The following ADIPOR2 variants were observed in gnomAD, a reference collection of about 807,000 sequenced individuals.
ADIPOR2 encodes the protein adiponectin receptor protein 2.
Under a neutral mutation model 40.9 loss-of-function variants are expected in ADIPOR2, and 18 were observed. The ratio of observed to expected loss-of-function variants is 0.44; its 90% CI spans 0.30 to 0.65. The LOEUF is 0.65. ADIPOR2 is among the 30% of genes least tolerant of loss of function. The probability of loss-of-function intolerance (pLI) is 0.09; values close to 1 mark genes in which losing one functional copy is unlikely to be tolerated. For synonymous variants in ADIPOR2, 165 were observed against 166.4 expected (o/e 0.99, Z 0.06); for missense variants, 283 against 479.2 (o/e 0.59, Z 3.82).
At chr12:1,742,292 C>T (rs535005487) in intron 1 of ADIPOR2, among the ~76,000 whole-genome samples, 20 of 152,274 alleles carry the variant, frequency 1.3e-4, no homozygotes, top group Admixed American at 7.2e-4. Context: ...GGAGTCTTGC[C>T]GTGTTGCCCA....
chr12:1,716,297 G>A (rs2094687529), intron 1 of ADIPOR2, among the ~76,000 whole-genome samples: 1 of 152,164 alleles, frequency 6.6e-6, no homozygotes, highest in South Asian at 2.1e-4. Flanking sequence ...ATTGAAGATG[G>A]TTTATTGCCT....
chr12:1,755,556 A>G (rs1195968815), intron 2 of ADIPOR2, among the ~76,000 whole-genome samples: 4 of 152,230 alleles, frequency 2.6e-5, no homozygotes, highest in African/African-American at 7.2e-5. Flanking sequence ...CCTCCAGTGT[A>G]TACCTTGGGA....
chr12:1,709,431 C>T (rs1268710790), intron 1 of ADIPOR2, among the ~76,000 whole-genome samples: 1 of 152,070 alleles, frequency 6.6e-6, no homozygotes, highest in East Asian at 1.9e-4. Context: ...GATTGGTGGT[C>T]TGTCTAGCAT....
At chr12:1,767,131 C>T (rs1415724869) in intron 2 of ADIPOR2, among the ~76,000 whole-genome samples, 3 of 151,706 alleles carry the variant, frequency 2.0e-5, no homozygotes, top group Admixed American at 1.3e-4. Flanking sequence ...ATTAGCCGGG[C>T]GTGGTGGCAG....
At chr12:1,707,762 C>A (rs950168556) in intron 1 of ADIPOR2, among the ~76,000 whole-genome samples, 4 of 152,180 alleles carry the variant, frequency 2.6e-5, no homozygotes, top group African/African-American at 9.7e-5. Context: ...TGTCAGCCAC[C>A]ATGCCTTGCC....
intron 2 of ADIPOR2, among the ~76,000 whole-genome samples, chr12:1,769,233 A>G (rs1340043859): frequency 2.0e-5 from 3 of 152,210 alleles, no homozygotes; most frequent in Admixed American, 2.0e-4. Flanking sequence ...TTTCCAAGCC[A>G]TCAGTATGTG....
chr12:1,766,682 T>G (rs2154443958), intron 2 of ADIPOR2, among the ~76,000 whole-genome samples: 1 of 152,346 alleles, frequency 6.6e-6, no homozygotes. Context: ...TCTTTATTTT[T>G]ATGGCTCCCC....
At chr12:1,773,185 G>A (rs1178956078) in intron 3 of ADIPOR2, among the ~76,000 whole-genome samples, 1 of 152,202 alleles carries the variant, frequency 6.6e-6, no homozygotes, top group Non-Finnish European at 1.5e-5. Flanking sequence ...AGGATATCCA[G>A]CTGGGAAACA....
At chr12:1,716,316 A>T (rs887642256) in intron 1 of ADIPOR2, among the ~76,000 whole-genome samples, 1 of 152,206 alleles carries the variant, frequency 6.6e-6, no homozygotes, top group Non-Finnish European at 1.5e-5. Context: ...CTTTTATATC[A>T]TCTTTTGGAT....
At chr12:1,715,989 A>G (rs1421884321) in intron 1 of ADIPOR2, among the ~76,000 whole-genome samples, 1 of 151,880 alleles carries the variant, frequency 6.6e-6, no homozygotes, top group Non-Finnish European at 1.5e-5. Flanking sequence ...TCCACACCGT[A>G]GAAGCTTTGT....
intron 7 of ADIPOR2, 78 bp downstream of exon 7, chr12:1,784,151 A>G (rs1410933789): frequency 2.7e-5 from 38 of 1,411,766 alleles, no homozygotes; most frequent in Non-Finnish European, 9.4e-6. Context: ...TGCAATAGAA[A>G]AAGTTTTAGA....
chr12:1,751,924 CT>C (rs59026188), intron 1 of ADIPOR2, among the ~76,000 whole-genome samples: 195 of 143,872 alleles, frequency 1.4e-3, no homozygotes, highest in Admixed American at 1.4e-3. Context: ...TTCTTTCTTT[CT>C]TTTTTTTTTT....
intron 1 of ADIPOR2, among the ~76,000 whole-genome samples, chr12:1,735,357 A>G (rs1199241686): frequency 2.6e-5 from 4 of 152,160 alleles, no homozygotes; most frequent in African/African-American, 4.8e-5. Flanking sequence ...CTTTGAAGCA[A>G]TTGTGAATGG....
intron 1 of ADIPOR2, among the ~76,000 whole-genome samples, chr12:1,701,801 A>G (rs571783015): frequency 2.8e-4 from 42 of 152,306 alleles, no homozygotes; most frequent in African/African-American, 8.7e-4. Context: ...TTGTGCTTAC[A>G]TTTAAGATTT....
intron 1 of ADIPOR2, among the ~76,000 whole-genome samples, chr12:1,734,623 C>A (rs1157282290): frequency 1.3e-5 from 2 of 152,126 alleles, no homozygotes; most frequent in African/African-American, 4.8e-5. Flanking sequence ...TAATTAGATC[C>A]CATTTGTCAA....
At chr12:1,760,539 T>C (rs771523154) in intron 2 of ADIPOR2, among the ~76,000 whole-genome samples, 4 of 152,202 alleles carry the variant, frequency 2.6e-5, no homozygotes, top group Admixed American at 6.5e-5. Flanking sequence ...TATGGCTTTG[T>C]CTAATCTGGA....
intron 1 of ADIPOR2, among the ~76,000 whole-genome samples, chr12:1,704,738 A>T (rs1160445478): frequency 6.6e-6 from 1 of 152,196 alleles, no homozygotes; most frequent in Non-Finnish European, 1.5e-5. Flanking sequence ...TATGAAGACC[A>T]TTTTTGTTTC....
rs566510740 is a variant in ADIPOR2, at chr12:1,752,640, A to G, written c.-86-1618A>G. 3.3e-5 allele frequency among the ~76,000 whole-genome samples: 5 copies of G among 152,312 alleles called. No homozygotes were observed. The South Asian group carries it at 1.0e-3, about 32-fold the overall frequency. On this transcript the variant is annotated intron_variant, in intron 1 of 7. Transcript: ENST00000357103. Reference sequence around the variant, plus strand: ...TCTCTTTGAATCCTAATGACCTTGAATAAGTTATCCAAACTCTAATCCTCA... The same window carrying G: ...TCTCTTTGAATCCTAATGACCTTGAGTAAGTTATCCAAACTCTAATCCTCA...
intron 2 of ADIPOR2, chr12:1,757,892 C>G (rs1208799277): frequency 1.2e-6 from 1 of 819,318 alleles, no homozygotes; most frequent in Non-Finnish European, 2.2e-6. Flanking sequence ...TGGGGAGACA[C>G]TCTCTCAACT....
Sources: allele counts gnomAD v4.1 joint callset (sites outside exome capture counted in the v4.1 genomes callset), GRCh38; gene constraint gnomAD v4.1.1; transcripts MANE v1.5; gene names NCBI Gene and HGNC (gene_info 2026-07-23, HGNC 2026-07-21).